Variants in BLTP1 observed in about 807,000 individuals in gnomAD.
BLTP1 encodes the protein fragile site-associated protein.
At chr4:122,156,937 A>G in the BLTP1 span, among the ~76,000 whole-genome samples, 8 of 152,308 alleles carry the variant, frequency 5.3e-5, no homozygotes, top group African/African-American at 1.4e-4. Flanking sequence ...AGGCAGGATA[A>G]AGGGCTACTC....
At chr4:122,298,666 T>TG in the BLTP1 span, 1 of 627,592 alleles carries the variant, frequency 1.6e-6, no homozygotes, top group Non-Finnish European at 2.0e-6. Flanking sequence ...ATTAGGTATT[T>TG]AAACATATAA....
At chr4:122,155,506 TAG>T in the BLTP1 span, among the ~76,000 whole-genome samples, 1 of 152,014 alleles carries the variant, frequency 6.6e-6, no homozygotes. Flanking sequence ...GTATTTTTGG[TAG>T]AGACAGAGTT....
At chr4:122,319,035 C>T in the BLTP1 span, among the ~76,000 whole-genome samples, 2 of 152,070 alleles carry the variant, frequency 1.3e-5, no homozygotes, top group Non-Finnish European at 2.9e-5. Context: ...CACTGTATTC[C>T]TGTATTCTTT....
At chr4:122,353,789 A>T in the BLTP1 span, 1 of 1,598,266 alleles carries the variant, frequency 6.3e-7, no homozygotes, top group Admixed American at 1.7e-5. The surrounding 1 kb of genome is among the most constrained non-coding windows in gnomAD (Gnocchi z 4.3). Flanking sequence ...TATTACTTTA[A>T]AAAAGTATTT....
chr4:122,239,412 A>G, the BLTP1 span: 9 of 947,404 alleles, frequency 9.5e-6, no homozygotes, highest in Non-Finnish European at 1.1e-5. Flanking sequence ...TTTACTTGTA[A>G]AGTACATGAT....
the BLTP1 span, among the ~76,000 whole-genome samples, chr4:122,329,148 T>TA: frequency 6.6e-6 from 1 of 151,776 alleles, no homozygotes; most frequent in Non-Finnish European, 1.5e-5. Context: ...TCAAATAACT[T>TA]ACTATGAAAA....
the BLTP1 span, among the ~76,000 whole-genome samples, chr4:122,153,440 T>C: frequency 6.6e-6 from 1 of 152,210 alleles, no homozygotes; most frequent in Non-Finnish European, 1.5e-5. Flanking sequence ...TATTATCACA[T>C]TTAATCATCA....
the BLTP1 span, chr4:122,167,993 C>T: frequency 1.4e-6 from 1 of 713,344 alleles, no homozygotes; most frequent in Non-Finnish European, 1.7e-6. Flanking sequence ...GCTGAGCATA[C>T]AACATTTTTG....
the BLTP1 span, among the ~76,000 whole-genome samples, chr4:122,330,432 G>A: frequency 6.6e-6 from 1 of 151,576 alleles, no homozygotes; most frequent in Non-Finnish European, 1.5e-5. Flanking sequence ...TACCAGGTAT[G>A]AAGTCATATT....
At chr4:122,334,323 A>C in the BLTP1 span, 11 of 1,484,506 alleles carry the variant, frequency 7.4e-6, no homozygotes, top group Non-Finnish European at 8.4e-6. Context: ...TAATTTTAAA[A>C]GTTTATTTAT....
the BLTP1 span, among the ~76,000 whole-genome samples, chr4:122,266,369 T>C: frequency 1.3e-5 from 2 of 152,232 alleles, no homozygotes; most frequent in African/African-American, 4.8e-5. Flanking sequence ...ATAATGTTTT[T>C]ATATTAACAC....
the BLTP1 span, among the ~76,000 whole-genome samples, chr4:122,271,945 T>C: frequency 6.6e-6 from 1 of 152,112 alleles, no homozygotes; most frequent in African/African-American, 2.4e-5. Context: ...CTTAAAGGAT[T>C]TAGACAGACC....
the BLTP1 span, chr4:122,185,154 A>G: frequency 3.0e-6 from 3 of 983,726 alleles, no homozygotes; most frequent in Non-Finnish European, 3.6e-6. Flanking sequence ...ATTACAGTAG[A>G]TTACTAGGTG....
At chr4:122,245,461 T>A in the BLTP1 span, among the ~76,000 whole-genome samples, 1 of 152,288 alleles carries the variant, frequency 6.6e-6, no homozygotes, top group South Asian at 2.1e-4. Context: ...ACCTTGCTTT[T>A]CTAAGACAGC....
At chr4:122,254,252 C>T in the BLTP1 span, 1 of 1,612,336 alleles carries the variant, frequency 6.2e-7, no homozygotes, top group Non-Finnish European at 8.5e-7. Flanking sequence ...GCCTCCTCCT[C>T]CAGATTCATG....
the BLTP1 span, chr4:122,344,822 C>A: frequency 1.0e-6 from 1 of 984,956 alleles, no homozygotes; most frequent in East Asian, 1.1e-4. Flanking sequence ...TTCTTTTCTT[C>A]ACTTTTTCTC....
At chr4:122,229,981 G>A in the BLTP1 span, 2 of 1,613,964 alleles carry the variant, frequency 1.2e-6, no homozygotes, top group Non-Finnish European at 8.5e-7. Flanking sequence ...AATCGGTTGG[G>A]GAAGGAATCA....
chr4:122,362,388 G>C, the BLTP1 span: 1 of 648,130 alleles, frequency 1.5e-6, no homozygotes, highest in South Asian at 2.1e-5. Context: ...AAGTTAACCT[G>C]TTCTAGTTCC....
At chr4:122,191,509 G>A in the BLTP1 span, among the ~76,000 whole-genome samples, 2 of 152,208 alleles carry the variant, frequency 1.3e-5, no homozygotes, top group Non-Finnish European at 2.9e-5. Context: ...GCATTACTCA[G>A]TGAACCCGTA....
Sources: allele counts gnomAD v4.1 joint callset (sites outside exome capture counted in the v4.1 genomes callset), GRCh38; gene constraint gnomAD v4.1.1; non-coding constraint Gnocchi (gnomAD v3.1); transcripts MANE v1.5; gene names NCBI Gene and HGNC (gene_info 2026-07-23, HGNC 2026-07-21).